STAB2: variants seen among roughly 807,000 people sequenced by gnomAD.
STAB2 encodes the protein stabilin-2.
STAB2 carries 288 observed loss-of-function variants against 338.1 expected under a neutral mutation model. That is an observed-to-expected ratio of 0.85 (90% CI 0.77 to 0.94). The LOEUF (loss-of-function observed/expected upper bound fraction) is 0.94. Ranked by LOEUF, STAB2 falls within the 40% of genes least tolerant of loss-of-function variation. STAB2 has a pLI of 0.00. For missense variants in STAB2, 3,141 were observed against 3,210.1 expected, an observed-to-expected ratio of 0.98 and a Z score of 0.52; for synonymous variants, 1,202 against 1,193.3, an observed-to-expected ratio of 1.01 and a Z score of -0.15.
At position 103,666,365 on chromosome 12, in the gene STAB2, A is replaced by C. The variant is rs776880111; in HGVS notation, c.2085+12A>C. Reference sequence around the variant, plus strand: ...ACTCTGAGCCCACAGTGAGTGTGACAGCTTCATGAAAGCACAGATCACCCA... The same window carrying C: ...ACTCTGAGCCCACAGTGAGTGTGACCGCTTCATGAAAGCACAGATCACCCA... On this transcript the variant is annotated intron_variant, in intron 19 of 68. Transcript: ENST00000388887. The C allele has an allele frequency of 1.1e-5, 18 of 1,614,048 alleles. No homozygotes were observed. In the South Asian group the frequency reaches 2.0e-4, roughly 18 times the overall value.
chr12:103,605,483 T>G (rs1957013965), intron 3 of STAB2, among the ~76,000 whole-genome samples: 1 of 151,978 alleles, frequency 6.6e-6, no homozygotes, highest in Non-Finnish European at 1.5e-5. Flanking sequence ...AATTGTTTAT[T>G]TTTATTTTTA....
At position 103,725,077 on chromosome 12, in the gene STAB2, C is replaced by T. The variant is rs147307613; in HGVS notation, c.4786C>T (p.Arg1596Cys). 1.3e-5 allele frequency: 21 copies of T among 1,612,922 alleles called. No homozygotes were observed. In the African/African-American group the frequency reaches 1.3e-4, roughly 10 times the overall value. Residue 1596 changes from arginine to cysteine, a missense_variant, in exon 45 of 69, where the codon CGC becomes TGC. Arg to Cys is a radical substitution (Grantham distance 180). Coordinates refer to ENST00000388887, the MANE Select transcript of STAB2 (RefSeq NM_017564.10). ...CTACATTGGAGATGGATTTACCTGC[C>T]GCGGCAGCATTTATCAGGTAACGCG... The part of the protein sequence containing the change: ...PNYIGDGFTC[R>C]GSIYQELPKN...
intron 3 of STAB2, among the ~76,000 whole-genome samples, chr12:103,595,997 A>G (rs1257451797): frequency 2.0e-5 from 3 of 152,220 alleles, no homozygotes; most frequent in African/African-American, 7.2e-5. Flanking sequence ...GCTTCTGTCT[A>G]CTAGCTGCTC....
chr12:103,719,375 T>A (rs1880578004), intron 44 of STAB2, among the ~76,000 whole-genome samples: 1 of 152,244 alleles, frequency 6.6e-6, no homozygotes. Flanking sequence ...TAGCTGTGCC[T>A]CTTTCCTAGG....
chr12:103,713,540 A>C, intron 41 of STAB2, 103 bp from the exon 42 acceptor site: 3 of 1,525,962 alleles, frequency 2.0e-6, no homozygotes, highest in Non-Finnish European at 2.7e-6. Context: ...GTGCCTGCTC[A>C]AGTAGTTTTG....
intron 24 of STAB2, among the ~76,000 whole-genome samples, chr12:103,676,755 G>C (rs1408816700): frequency 6.6e-6 from 1 of 152,154 alleles, no homozygotes; most frequent in Non-Finnish European, 1.5e-5. Flanking sequence ...TTAGTAACTG[G>C]TTTCTTTGCT....
chr12:103,634,567 T>A (rs1957514051), intron 6 of STAB2, among the ~76,000 whole-genome samples: 1 of 152,258 alleles, frequency 6.6e-6, no homozygotes, highest in Non-Finnish European at 1.5e-5. Flanking sequence ...AGCATGTCAC[T>A]TTTTCAAATG....
intron 3 of STAB2, among the ~76,000 whole-genome samples, chr12:103,612,826 C>G (rs1350524220): frequency 6.6e-6 from 1 of 151,942 alleles, no homozygotes; most frequent in East Asian, 1.9e-4. Flanking sequence ...TTTTATCTAC[C>G]TTTGGTCTTT....
At chr12:103,595,361 A>C (rs907447695) in intron 3 of STAB2, among the ~76,000 whole-genome samples, 4 of 151,916 alleles carry the variant, frequency 2.6e-5, no homozygotes, top group Non-Finnish European at 5.9e-5. Flanking sequence ...TTTTTTTCTG[A>C]TTAAAGTAAT....
At chr12:103,613,623 C>T (rs1177727207) in intron 3 of STAB2, among the ~76,000 whole-genome samples, 3 of 152,154 alleles carry the variant, frequency 2.0e-5, no homozygotes, top group Non-Finnish European at 4.4e-5. Flanking sequence ...TTCCCTGACC[C>T]CTTGCACTTC....
intron 9 of STAB2, among the ~76,000 whole-genome samples, chr12:103,643,946 G>C (rs1267253534): frequency 1.2e-5 from 1 of 85,466 alleles, no homozygotes; most frequent in Non-Finnish European, 2.6e-5. Flanking sequence ...CGCCCCGTCC[G>C]GGAGGTGAGG....
intron 40 of STAB2, 55 bp downstream of exon 40, chr12:103,711,571 ATTGT>A (rs1879863853): frequency 6.3e-7 from 1 of 1,593,450 alleles, no homozygotes; most frequent in Non-Finnish European, 8.6e-7. Flanking sequence ...TTTTCCCAAT[ATTGT>A]CTACCCTAGT....
At chr12:103,681,613 C>CTTTTTTTTT (rs907234037) in intron 25 of STAB2, among the ~76,000 whole-genome samples, 1 of 92,952 alleles carries the variant, frequency 1.1e-5, no homozygotes, top group Non-Finnish European at 2.1e-5. Flanking sequence ...TTCCCCCCTA[C>CTTTTTTTTT]TTTTTTTTTT....
At chr12:103,754,442 A>T (rs1411252298) in intron 61 of STAB2, among the ~76,000 whole-genome samples, 1 of 152,066 alleles carries the variant, frequency 6.6e-6, no homozygotes, top group African/African-American at 2.4e-5. Context: ...TTGTATAAGG[A>T]TTTAAAACGT....
chr12:103,766,201 G>A, intron 68 of STAB2, 85 bp from the exon 69 acceptor site: 1 of 1,544,880 alleles, frequency 6.5e-7, no homozygotes, highest in Non-Finnish European at 8.9e-7. Flanking sequence ...GGAGAGTCAT[G>A]CCTCAGACCA....
At chr12:103,712,346 A>G in intron 40 of STAB2, 21 bp from the exon 41 acceptor site, 1 of 1,602,822 alleles carries the variant, frequency 6.2e-7, no homozygotes, top group Non-Finnish European at 8.5e-7. Flanking sequence ...TACAAACCCC[A>G]TTTGTCCTTC....
In STAB2 at chr12:103,593,683, A is replaced by T. The variant is rs140701927; in HGVS notation, c.216-712A>T. On this transcript the variant is annotated intron_variant, in intron 2 of 68. Transcript: ENST00000388887. ...ACAACCTTGAATTCATCATCATGTT[A>T]TTCTTAACAGCAGCCCAGTTGAAAG... is the stretch of plus-strand genomic sequence containing the variant. Among the ~76,000 whole-genome samples, 5 of 152,346 alleles carry T rather than the reference A, an allele frequency of 3.3e-5. No homozygotes were observed. In the East Asian group the frequency reaches 9.6e-4, roughly 29 times the overall value.
At position 103,648,553 on chromosome 12, in the gene STAB2, A is replaced by T. The variant is rs1873499501; in HGVS notation, c.1041-137A>T. On this transcript the variant is annotated intron_variant, in intron 9 of 68. Transcript: ENST00000388887. ...GAGGAGCTACTAGATGTCAGATACC[A>T]CACTAGGAATGCTCTCTTGTCCCTA... 2.2e-5 allele frequency: 24 copies of T among 1,116,234 alleles called. No homozygotes were observed. In the East Asian group the frequency reaches 6.1e-4, roughly 28 times the overall value. The allele number at this position is 1,116,234 out of a possible 1,614,324, so 69.1% of individuals were successfully genotyped here.
intron 49 of STAB2, 43 bp downstream of exon 49, chr12:103,730,299 A>C (rs748932640): frequency 6.3e-7 from 1 of 1,593,954 alleles, no homozygotes; most frequent in Admixed American, 1.7e-5. Flanking sequence ...GAGTGACTCA[A>C]TACATTATCA....
Sources: gnomAD v4.1 joint callset for allele counts (sites outside exome capture counted in the v4.1 genomes callset) on GRCh38, gnomAD v4.1.1 for gene constraint, MANE v1.5 for transcripts, NCBI Gene and HGNC (gene_info 2026-07-23, HGNC 2026-07-21) for gene names.